Variants in NOC2L observed in about 807,000 individuals in gnomAD.
NOC2L encodes the protein nucleolar complex protein 2 homolog.
Under a neutral mutation model 94.2 loss-of-function variants are expected in NOC2L, and 101 were observed. The ratio of observed to expected loss-of-function variants is 1.07; its 90% CI spans 0.91 to 1.26. The LOEUF is 1.26. Among genes scored for constraint, NOC2L ranks in the 50% most tolerant of loss-of-function variants. NOC2L has a pLI of 0.00. For missense variants in NOC2L, 1,076 were observed against 980.1 expected, an observed-to-expected ratio of 1.10 and a Z score of -1.31; for synonymous variants, 531 against 413.4, an observed-to-expected ratio of 1.28 and a Z score of -3.45.
At position 955,966 on chromosome 1, in the gene NOC2L, G is replaced by C. The variant is rs372730403; in HGVS notation, c.655C>G (p.Leu219Val). ...ACCTTTCCAAACAGCAGCTTCTGGA[G>C]ACAGCCAATGAGGTCTCTGATGCAG... ...TFCIRDLIGCLQKLLFGKVAK... is the reference protein window; with the variant it reads ...TFCIRDLIGCVQKLLFGKVAK... Residue 219 changes from leucine (L) to valine (V), a missense_variant, in exon 6 of 19, where the codon CTC becomes GTC. Transcript: ENST00000327044. 3.1e-6 allele frequency: 5 copies of C among 1,613,676 alleles called. No homozygotes were observed. The highest frequency in any genetic ancestry group is 1.3e-5 in the African/African-American group (1 of 74,782).
At chr1:957,377 C>G (rs1642440487) in intron 2 of NOC2L, 104 bp from the exon 3 acceptor site, 1 of 1,130,748 alleles carries the variant, frequency 8.8e-7, no homozygotes, top group Admixed American at 2.4e-5. Context: ...TACCAACTAG[C>G]AAGACAGGAT....
chr1:944,347 G>A lies in NOC2L; in HGVS notation c.*347C>T, dbSNP rs1248363428. ...AGTGAAGGCAGAGCCTGGTGCAGATGGACGAGGTCTGCAGACGGAGGGCAG... is the reference window on the plus strand; with the variant it reads ...AGTGAAGGCAGAGCCTGGTGCAGATAGACGAGGTCTGCAGACGGAGGGCAG... On this transcript the variant is annotated 3_prime_UTR_variant, in exon 19 of 19. Transcript: ENST00000327044. 10 of 1,370,992 alleles carry A rather than the reference G, an allele frequency of 7.3e-6. No individual in the cohort carries two copies. The highest frequency in any genetic ancestry group is 7.1e-5 in the Admixed American group (2 of 28,324). 84.9% of individuals were successfully genotyped at this position (1,370,992 alleles called of 1,614,324 possible).
intron 6 of NOC2L, among the ~76,000 whole-genome samples, chr1:954,716 A>T (rs774888464): frequency 3.3e-5 from 5 of 152,108 alleles, no homozygotes; most frequent in Non-Finnish European, 4.4e-5. Context: ...AGTCCCAGTT[A>T]CTTGGGAGGC....
Position 944,778 on chromosome 1 carries a change from C to A in NOC2L, c.2166G>T (p.Ala722=). Residue 722 remains alanine (A), a synonymous_variant, in exon 19 of 19, where the codon GCG becomes GCT. Coordinates refer to ENST00000327044, the MANE Select transcript of NOC2L (RefSeq NM_015658.4). ...GCTGCAGCTCCCCAGGGGCCAGCCC[C>A]GCCTCTGCGTCTGGGTCTCCATCTG... ...NSEDGDPDAE[A]GLAPGELQQL... The A allele has an allele frequency of 6.3e-7, 1 of 1,596,712 alleles. No homozygotes were observed. The highest frequency in any genetic ancestry group is 8.5e-7 in the Non-Finnish European group (1 of 1,176,058).
At position 958,847 on chromosome 1, in the gene NOC2L, T is replaced by C. The variant is rs1441309909; in HGVS notation, c.179+82A>G. The stretch of plus-strand genomic sequence containing the variant: ...GTCGGCGATCCTTAGGCCTTGGCCC[T>C]GAGACCCCAGGCGAGGTCAGCAACC... On this transcript the variant is annotated intron_variant, in intron 2 of 18. Coordinates refer to ENST00000327044, the MANE Select transcript of NOC2L (RefSeq NM_015658.4). 4.0e-6 allele frequency: 6 copies of C among 1,487,192 alleles called. No individual in the cohort carries two copies. In the African/African-American group the frequency reaches 8.3e-5, roughly 21 times the overall value. 92.1% of individuals were successfully genotyped at this position (1,487,192 alleles called of 1,614,324 possible).
rs1198467277 is a variant in NOC2L, at chr1:956,917, C to T, written c.463G>A (p.Glu155Lys). Residue 155 changes from glutamate (E) to lysine (K), a missense_variant, in exon 4 of 19, where the codon GAG becomes AAG. Glu to Lys is a moderately conservative substitution (Grantham distance 56). Transcript: ENST00000327044. ...ACCTTTGCTGCCTGCTTCCATCTCT[C>T]AACCATGGCGACGGTCACAGGAACA... is the stretch of plus-strand genomic sequence containing the variant. ...NSVPVTVAMV[E>K]RWKQAAKQRL... is the part of the protein sequence containing the mutation. The T allele has an allele frequency of 1.9e-6, 3 of 1,613,908 alleles. No homozygotes were observed. The highest frequency in any genetic ancestry group is 2.5e-6 in the Non-Finnish European group (3 of 1,180,040).
intron 11 of NOC2L, among the ~76,000 whole-genome samples, chr1:951,585 C>T (rs1002683599): frequency 1.3e-5 from 2 of 152,210 alleles, no homozygotes; most frequent in Non-Finnish European, 2.9e-5. Flanking sequence ...CCAAAGAGGC[C>T]ACAGTACTGC....
chr1:957,456 A>G lies in NOC2L; in HGVS notation c.180-183T>C. 3 of 606,580 alleles carry G rather than the reference A, an allele frequency of 4.9e-6. No individual in the cohort carries two copies. The South Asian group carries it at 5.9e-5, about 12-fold the overall frequency. The allele number at this position is 606,580 out of a possible 1,614,324, so 37.6% of individuals were successfully genotyped here. ...CAACCTCTACAACATACCCTCAAAC[A>G]CACTACACAGGCCCCCCAGCCGCGG... is the stretch of plus-strand genomic sequence containing the variant. On this transcript the variant is annotated intron_variant, in intron 2 of 18. Coordinates refer to ENST00000327044, the MANE Select transcript of NOC2L (RefSeq NM_015658.4).
rs1405477449 is a variant in NOC2L at position 956,320 on chromosome 1, A to G, written c.487-105T>C. On this transcript the variant is annotated intron_variant, in intron 4 of 18. Transcript: ENST00000327044. Reference sequence around the variant, plus strand: ...GGCACCCTCACCCTCACCCTCAGACATAGGGCAGAGGTTGGGGGGAGGCAC... The same window carrying G: ...GGCACCCTCACCCTCACCCTCAGACGTAGGGCAGAGGTTGGGGGGAGGCAC... The G allele has an allele frequency of 3.7e-6, 5 of 1,364,602 alleles. No homozygotes were observed. In the African/African-American group the frequency reaches 5.7e-5, roughly 16 times the overall value. 84.5% of individuals were successfully genotyped at this position (1,364,602 alleles called of 1,614,324 possible).
At chr1:949,558 C>T (rs1431542689) in intron 12 of NOC2L, among the ~76,000 whole-genome samples, 3 of 152,194 alleles carry the variant, frequency 2.0e-5, no homozygotes. Flanking sequence ...GGCCTGCATC[C>T]CTGCGTGAGA....
In NOC2L at chr1:945,055, A is replaced by G. The variant is rs1642058553; in HGVS notation, c.2143+2T>C. On this transcript the variant is annotated splice_donor_variant, in intron 18 of 18. Coordinates refer to ENST00000327044, the MANE Select transcript of NOC2L (RefSeq NM_015658.4). LOFTEE classifies it high-confidence loss of function. ...ACACCCTCTCACCCCAAGACCATTC[A>G]CCCTCCGAGTTGCTGCTGTCCTCCT... 4 of 1,613,446 alleles carry G rather than the reference A, an allele frequency of 2.5e-6. No homozygotes were observed. In the East Asian group the frequency reaches 8.9e-5, roughly 36 times the overall value.
At chr1:955,454 C>A (rs1211532765) in intron 6 of NOC2L, among the ~76,000 whole-genome samples, 2 of 152,230 alleles carry the variant, frequency 1.3e-5, no homozygotes, top group African/African-American at 4.8e-5. Flanking sequence ...AAACCTTCCA[C>A]GGCCTTCTCT....
intron 11 of NOC2L, 87 bp downstream of exon 11, chr1:951,913 C>A: frequency 6.8e-7 from 1 of 1,480,462 alleles, no homozygotes; most frequent in Admixed American, 2.0e-5. Flanking sequence ...CCCCAAGGCC[C>A]TGAACGCCAG....
chr1:944,428 T>C lies in NOC2L; in HGVS notation c.*266A>G, dbSNP rs1642023974. The C allele has an allele frequency of 2.8e-6, 3 of 1,067,890 alleles. No homozygotes were observed. Among genetic ancestry groups the C allele is most frequent in the South Asian group, 2.1e-5 (1 of 48,716 alleles). 66.2% of individuals were successfully genotyped at this position (1,067,890 alleles called of 1,614,324 possible). ...CCTCCCCCTGGAACTGGGACTGGTC[T>C]CGGTCTGCTGACGTCAGGGTCAGCT... On this transcript the variant is annotated 3_prime_UTR_variant, in exon 19 of 19. Transcript: ENST00000327044.
At chr1:956,517 C>T (rs1434202685) in intron 4 of NOC2L, among the ~76,000 whole-genome samples, 2 of 152,124 alleles carry the variant, frequency 1.3e-5, no homozygotes, top group African/African-American at 2.4e-5. Context: ...GAAAAAAACA[C>T]TGTGAGAGGC....
At chr1:954,972 C>G (rs973791633) in intron 6 of NOC2L, among the ~76,000 whole-genome samples, 3 of 152,266 alleles carry the variant, frequency 2.0e-5, no homozygotes, top group Admixed American at 1.3e-4. Flanking sequence ...GTCCTCGACC[C>G]TCCTCACACC....
rs761582943 is a variant in NOC2L, at chr1:955,883, C to T, written c.698+40G>A. On this transcript the variant is annotated intron_variant, in intron 6 of 18. Transcript: ENST00000327044. Reference sequence around the variant, plus strand: ...GCTTCTCCTGTGTGTGGTCCCGACCCACCTTCCACCCTACCCCCCTTCACC... The same window carrying T: ...GCTTCTCCTGTGTGTGGTCCCGACCTACCTTCCACCCTACCCCCCTTCACC... 4.6e-6 allele frequency: 7 copies of T among 1,537,638 alleles called. No individual in the cohort carries two copies. The Admixed American group carries it at 1.2e-4, about 26-fold the overall frequency.
At chr1:953,664 G>A in intron 8 of NOC2L, 118 bp downstream of exon 8, 8 of 766,998 alleles carry the variant, frequency 1.0e-5, no homozygotes, top group Non-Finnish European at 1.7e-5. Flanking sequence ...CTCTAGCCAA[G>A]CGGAGCCAGT....
chr1:948,340 T>C (rs1642171530), intron 13 of NOC2L, 108 bp from the exon 14 acceptor site: 5 of 1,108,720 alleles, frequency 4.5e-6, no homozygotes, highest in Non-Finnish European at 6.7e-6. Flanking sequence ...GGGCACGGAC[T>C]GCAAGGAAGG....
Sources: allele counts gnomAD v4.1 joint callset (sites outside exome capture counted in the v4.1 genomes callset), GRCh38; gene constraint gnomAD v4.1.1; transcripts MANE v1.5; gene names NCBI Gene and HGNC (gene_info 2026-07-23, HGNC 2026-07-21).